TMOD2: variants seen among roughly 807,000 people sequenced by gnomAD.
The protein encoded by TMOD2 is tropomodulin-2.
A neutral mutation model predicts 39.9 loss-of-function variants in TMOD2; 22 were observed. That is an observed-to-expected ratio of 0.55 (90% CI 0.39 to 0.79). TMOD2 has a LOEUF of 0.79. Among genes scored for constraint, TMOD2 ranks in the 30% least tolerant of loss-of-function variants. The pLI is 0.00. For synonymous variants in TMOD2, 123 were observed against 146.1 expected (o/e 0.84, Z 1.14); for missense variants, 386 against 413.3 (o/e 0.93, Z 0.57).
At position 51,753,606 on chromosome 15, in the gene TMOD2, C is replaced by T. The variant is rs74015759; in HGVS notation, c.-70+1894C>T. On this transcript the variant is annotated intron_variant, in intron 1 of 9. Coordinates refer to ENST00000249700, the MANE Select transcript of TMOD2 (RefSeq NM_014548.4). Reference sequence around the variant, plus strand: ...GTTGGGGATGTTTGAATATGGATTGCATGTTAGATGATATTATGGAATTGG... The same window carrying T: ...GTTGGGGATGTTTGAATATGGATTGTATGTTAGATGATATTATGGAATTGG... 2.7e-3 allele frequency among the ~76,000 whole-genome samples: 403 copies of T among 151,468 alleles called. 2 individuals are homozygous for T. The highest frequency in any genetic ancestry group is 9.3e-3 in the African/African-American group (383 of 41,326).
chr15:51,785,304 C>T (rs1288141602), intron 7 of TMOD2, among the ~76,000 whole-genome samples: 3 of 149,286 alleles, frequency 2.0e-5, no homozygotes, highest in Non-Finnish European at 4.4e-5. Flanking sequence ...CCCAGCTACT[C>T]GGGAGACTGA....
In TMOD2 at chr15:51,809,714, T is replaced by G. The variant is rs1261031960; in HGVS notation, c.*1260T>G. 6.6e-6 allele frequency: 1 copy of G among 152,188 alleles called. No homozygotes were observed. Among genetic ancestry groups the G allele is most frequent in the East Asian group, 1.9e-4 (1 of 5,186 alleles). 9.4% of individuals were successfully genotyped at this position (152,188 alleles called of 1,614,324 possible). ...ACATTCTGACACTGCCCAAGGCAAC[T>G]CACCCTCTATTCCTCCTTTCTCCCC... is the stretch of plus-strand genomic sequence containing the variant. On this transcript the variant is annotated 3_prime_UTR_variant, in exon 10 of 10. Transcript: ENST00000249700.
At chr15:51,755,627 T>C (rs905545898) in intron 1 of TMOD2, among the ~76,000 whole-genome samples, 2 of 152,114 alleles carry the variant, frequency 1.3e-5, no homozygotes, top group African/African-American at 4.8e-5. Context: ...TCCAGTGAGC[T>C]GGGCTGCTAT....
Position 51,782,703 on chromosome 15 carries a change from A to G in TMOD2, c.625-18A>G, listed in dbSNP as rs1242377438. 1.2e-6 allele frequency: 2 copies of G among 1,602,000 alleles called. No homozygotes were observed. The highest frequency in any genetic ancestry group is 1.1e-5 in the South Asian group (1 of 90,618). On this transcript the variant is annotated intron_variant, in intron 6 of 9. Transcript: ENST00000249700. Reference sequence around the variant, plus strand: ...CCATACAATGGTTCATCAACTAGCCATGTCCTCTCTGTCTTAGAACATTCC... The same window carrying G: ...CCATACAATGGTTCATCAACTAGCCGTGTCCTCTCTGTCTTAGAACATTCC...
rs767960973 is a variant in TMOD2 at position 51,773,823 on chromosome 15, A to G, written c.395A>G (p.Tyr132Cys). ...ALASASDTEL[Y>C]DLAAVLGVHN... ...GCCAGTGCCTCTGACACCGAACTCT[A>G]TGATCTTGCAGGTTAGTCCTGAACT... The change falls in exon 4 of 10, where the codon TAT (tyrosine) becomes TGT (cysteine). Residue 132 changes from tyrosine (Y) to cysteine (C), a missense_variant. Tyr to Cys is a radical substitution (Grantham distance 194, BLOSUM62 -2). Coordinates refer to ENST00000249700, the MANE Select transcript of TMOD2 (RefSeq NM_014548.4). 1.8e-5 allele frequency: 29 copies of G among 1,609,784 alleles called. No homozygotes were observed. Among genetic ancestry groups the G allele is most frequent in the South Asian group, 4.4e-5 (4 of 90,362 alleles).
chr15:51,813,529 G>T lies in TMOD2; in HGVS notation c.*5075G>T, dbSNP rs1276544823. 1 of 152,242 alleles carries T rather than the reference G, an allele frequency of 6.6e-6. No homozygotes were observed. Among genetic ancestry groups the T allele is most frequent in the Non-Finnish European group, 1.5e-5 (1 of 68,050 alleles). The allele number at this position is 152,242 out of a possible 1,614,324, so 9.4% of individuals were successfully genotyped here. On this transcript the variant is annotated 3_prime_UTR_variant, in exon 10 of 10. Transcript: ENST00000249700. The stretch of plus-strand genomic sequence containing the variant: ...ATGGTGAAGGGGCACCGTACTAACA[G>T]ATTTGGAGACTGAAACCTAATCCCA...
At chr15:51,780,498 A>G (rs2055922358) in intron 5 of TMOD2, among the ~76,000 whole-genome samples, 1 of 152,184 alleles carries the variant, frequency 6.6e-6, no homozygotes, top group Non-Finnish European at 1.5e-5. Context: ...GTATATTGGG[A>G]TATTAATCCT....
At chr15:51,760,119 A>G (rs1479263708) in intron 1 of TMOD2, among the ~76,000 whole-genome samples, 1 of 152,244 alleles carries the variant, frequency 6.6e-6, no homozygotes, top group African/African-American at 2.4e-5. Flanking sequence ...AGCCAGAACA[A>G]TCATCCTGGA....
intron 7 of TMOD2, among the ~76,000 whole-genome samples, chr15:51,792,228 A>G (rs1470596175): frequency 6.6e-6 from 1 of 152,260 alleles, no homozygotes; most frequent in African/African-American, 2.4e-5. Flanking sequence ...TTCTCAAAAG[A>G]AGACATTTAT....
At chr15:51,801,782 A>AT (rs1043758730) in intron 8 of TMOD2, among the ~76,000 whole-genome samples, 2 of 152,080 alleles carry the variant, frequency 1.3e-5, no homozygotes, top group African/African-American at 4.8e-5. Context: ...ATTTGTTTCT[A>AT]TTTTTCCCCC....
intron 7 of TMOD2, among the ~76,000 whole-genome samples, chr15:51,787,484 T>C (rs958411177): frequency 3.3e-5 from 5 of 152,222 alleles, no homozygotes; most frequent in African/African-American, 1.2e-4. Flanking sequence ...GCCTGACAGC[T>C]CTGAAGAGAG....
rs974558330 is a variant in TMOD2, at chr15:51,797,640, C to T, written c.733-557C>T. Among the ~76,000 whole-genome samples the T allele has an allele frequency of 3.2e-4, 48 of 152,038 alleles. 1 individual carries two copies. The highest frequency in any genetic ancestry group is 3.0e-3 in the Admixed American group (46 of 15,254). ...AGCCGGCAGGTGCCCGTGTGCAGTCCGCTGTCTCAAACTGGAGTCTCCCAT... is the reference window on the plus strand; with the variant it reads ...AGCCGGCAGGTGCCCGTGTGCAGTCTGCTGTCTCAAACTGGAGTCTCCCAT... On this transcript the variant is annotated intron_variant, in intron 7 of 9. Transcript: ENST00000249700.
At chr15:51,764,726 G>C (rs949933743) in intron 1 of TMOD2, among the ~76,000 whole-genome samples, 15 of 152,056 alleles carry the variant, frequency 9.9e-5, no homozygotes, top group African/African-American at 3.4e-4. Context: ...TGCTCTACCA[G>C]CATATCATTT....
At chr15:51,801,318 G>C (rs2056088702) in intron 8 of TMOD2, among the ~76,000 whole-genome samples, 1 of 123,676 alleles carries the variant, frequency 8.1e-6, no homozygotes, top group Admixed American at 8.3e-5. Flanking sequence ...CTCTCTCTAA[G>C]AAAAGATTTT....
At chr15:51,775,954 A>C (rs977299075) in intron 4 of TMOD2, among the ~76,000 whole-genome samples, 2 of 152,192 alleles carry the variant, frequency 1.3e-5, no homozygotes, top group Admixed American at 6.5e-5. Flanking sequence ...AAAGTCATTT[A>C]ATCTTGGTAA....
At chr15:51,763,745 G>C (rs534679350) in intron 1 of TMOD2, among the ~76,000 whole-genome samples, 1 of 152,184 alleles carries the variant, frequency 6.6e-6, no homozygotes, top group Non-Finnish European at 1.5e-5. Context: ...TGCTAGTTTT[G>C]AAGTTGGTGC....
At chr15:51,804,412 A>T (rs572319200) in intron 8 of TMOD2, among the ~76,000 whole-genome samples, 1 of 152,236 alleles carries the variant, frequency 6.6e-6, no homozygotes, top group Non-Finnish European at 1.5e-5. Flanking sequence ...GATTGTGTAG[A>T]TACGTGAATG....
intron 5 of TMOD2, among the ~76,000 whole-genome samples, chr15:51,779,541 C>T (rs758398947): frequency 5.9e-5 from 9 of 151,982 alleles, no homozygotes; most frequent in South Asian, 2.1e-4. Flanking sequence ...CCACCACGCC[C>T]GGCTAATTTT....
At chr15:51,752,031 C>T (rs1270427456) in intron 1 of TMOD2, among the ~76,000 whole-genome samples, 3 of 151,974 alleles carry the variant, frequency 2.0e-5, no homozygotes, top group African/African-American at 7.2e-5. Flanking sequence ...CTCCTGTCCT[C>T]CCGGGCTGCG....
Sources: gnomAD v4.1 joint callset for allele counts (sites outside exome capture counted in the v4.1 genomes callset) on GRCh38, gnomAD v4.1.1 for gene constraint, MANE v1.5 for transcripts, NCBI Gene and HGNC (gene_info 2026-07-23, HGNC 2026-07-21) for gene names.